The following ZFYVE16 variants were observed in gnomAD, a reference collection of about 807,000 sequenced individuals.
The protein encoded by ZFYVE16 is zinc finger FYVE domain-containing protein 16.
ZFYVE16 carries 89 observed loss-of-function variants against 138.1 expected under a neutral mutation model. The observed-to-expected ratio is 0.64, with a 90% CI of 0.54 to 0.77. The LOEUF (loss-of-function observed/expected upper bound fraction) is 0.77. ZFYVE16 is among the 30% of genes least tolerant of loss of function. The pLI, the probability that ZFYVE16 is intolerant of heterozygous loss-of-function variation, is 0.00. For synonymous variants in ZFYVE16, 596 were observed against 618.3 expected (o/e 0.96, Z 0.53); for missense variants, 1,793 against 1,786.7 (o/e 1.00, Z -0.06).
chr5:80,408,523 G>A (rs1318600170), intron 1 of ZFYVE16, among the ~76,000 whole-genome samples: 4 of 152,238 alleles, frequency 2.6e-5, no homozygotes, highest in Non-Finnish European at 5.9e-5. Context: ...CCTGGGGAGG[G>A]GCTGCGACTG....
At chr5:80,471,756 C>A (rs1183709138) in intron 15 of ZFYVE16, among the ~76,000 whole-genome samples, 3 of 152,188 alleles carry the variant, frequency 2.0e-5, no homozygotes, top group Admixed American at 6.5e-5. Context: ...ATTCTAAGTA[C>A]ATTTTGCTGA....
At chr5:80,456,601 G>T in intron 13 of ZFYVE16, 36 bp downstream of exon 13, 2 of 1,540,166 alleles carry the variant, frequency 1.3e-6, no homozygotes, top group South Asian at 2.3e-5. Flanking sequence ...GACAATTATT[G>T]AACATTAGAG....
At position 80,449,730 on chromosome 5, in the gene ZFYVE16, C is replaced by G; in HGVS notation, c.3226+17C>G. 2 of 1,573,382 alleles carry G rather than the reference C, an allele frequency of 1.3e-6. No homozygotes were observed. The highest frequency in any genetic ancestry group is 1.7e-6 in the Non-Finnish European group (2 of 1,162,802). On this transcript the variant is annotated intron_variant, in intron 9 of 18. Coordinates refer to ENST00000505560, the MANE Select transcript of ZFYVE16 (RefSeq NM_001284236.3). ...TCATATTTTGTAAGTAATAATTTAT[C>G]CTTATTTGCTTAATTGGTAAGCAGG...
chr5:80,471,150 G>A (rs551715626), intron 15 of ZFYVE16, among the ~76,000 whole-genome samples: 1 of 152,210 alleles, frequency 6.6e-6, no homozygotes, highest in African/African-American at 2.4e-5. Flanking sequence ...CTGTCCATAT[G>A]GATAAGATAG....
chr5:80,441,980 A>C, intron 5 of ZFYVE16: 975 of 905,224 alleles, frequency 1.1e-3, no homozygotes, highest in Middle Eastern at 1.7e-3. Flanking sequence ...CTATATTCTC[A>C]TGAAATTTAT....
chr5:80,475,135 C>T (rs1312232261), intron 18 of ZFYVE16, among the ~76,000 whole-genome samples: 1 of 152,172 alleles, frequency 6.6e-6, no homozygotes, highest in Non-Finnish European at 1.5e-5. Flanking sequence ...TTAAGTGTGG[C>T]TATGTTCCAG....
At chr5:80,434,637 A>G (rs1268425671) in intron 3 of ZFYVE16, among the ~76,000 whole-genome samples, 3 of 151,914 alleles carry the variant, frequency 2.0e-5, no homozygotes, top group Non-Finnish European at 4.4e-5. Context: ...ATGCTGGCTA[A>G]TTTTTCAGTT....
intron 4 of ZFYVE16, 111 bp from the exon 5 acceptor site, chr5:80,439,825 C>G: frequency 1.5e-6 from 1 of 648,940 alleles, no homozygotes. Context: ...ATGATTTATA[C>G]AATAAGGAAA....
intron 11 of ZFYVE16, among the ~76,000 whole-genome samples, chr5:80,452,624 A>T (rs991237784): frequency 6.6e-6 from 1 of 152,142 alleles, no homozygotes; most frequent in Non-Finnish European, 1.5e-5. Flanking sequence ...CAATTTTTCT[A>T]TATCATAAAG....
chr5:80,470,102 T>TGTGTGTA lies in ZFYVE16; in HGVS notation c.4025-2659_4025-2658insGTGTGTA, dbSNP rs1491134484. Among the ~76,000 whole-genome samples the TGTGTGTA allele has an allele frequency of 2.0e-4, 4 of 20,326 alleles. No homozygotes were observed. In the East Asian group the frequency reaches 0.01, roughly 51 times the overall value. The allele number at this position is 20,326 out of a possible 152,430, so 13.3% of individuals were successfully genotyped here. On this transcript the variant is annotated intron_variant, in intron 15 of 18. Transcript: ENST00000505560. ...GTGTGTGTGTGTGTGTGTGTGTGTA[T>TGTGTGTA]TTTTTTTTTTTTTTTTTGAGACAGA...
Position 80,438,103 on chromosome 5 carries a change from C to A in ZFYVE16, c.1418C>A (p.Thr473Asn), listed in dbSNP as rs749350535. ...GCTGAGTCTTTGGATGGTGGTGACA[C>A]CAGTTCTACAGTTGTAGAATCTCAA... Reference protein sequence around the residue: ...IRAESLDGGDTSSTVVESQEG... With the variant: ...IRAESLDGGDNSSTVVESQEG... Residue 473 changes from threonine to asparagine, a missense_variant, in exon 4 of 19, where the codon ACC becomes AAC. Thr to Asn is a moderately conservative substitution (Grantham distance 65). This residue lies in a region of ZFYVE16 where 1,295 missense variants were observed against 1,204.3 expected (regional missense o/e 1.08). Coordinates refer to ENST00000505560, the MANE Select transcript of ZFYVE16 (RefSeq NM_001284236.3). 3.1e-6 allele frequency: 5 copies of A among 1,613,934 alleles called. No individual in the cohort carries two copies. In the Admixed American group the frequency reaches 8.3e-5, roughly 27 times the overall value.
At chr5:80,455,433 C>T (rs1044955545) in intron 11 of ZFYVE16, 14 of 367,042 alleles carry the variant, frequency 3.8e-5, no homozygotes, top group Non-Finnish European at 4.9e-6. Context: ...ACTTGGGAGG[C>T]TGAGGCAGGA....
intron 15 of ZFYVE16, among the ~76,000 whole-genome samples, chr5:80,465,396 C>CTTTTTTTTTTTTTTTTTTTTTTTT (rs1187412933): frequency 7.6e-5 from 2 of 26,374 alleles, no homozygotes; most frequent in South Asian, 1.4e-3. Flanking sequence ...TTTTCCTTTT[C>CTTTTTTTTTTTTTTTTTTTTTTTT]TTTGTTTTTT....
chr5:80,477,473 T>C lies in ZFYVE16; in HGVS notation c.*96T>C. On this transcript the variant is annotated 3_prime_UTR_variant, in exon 19 of 19. Coordinates refer to ENST00000505560, the MANE Select transcript of ZFYVE16 (RefSeq NM_001284236.3). ...GCCACAAACACTAAAAGTATAAATA[T>C]GTCTGATTTTTGAAACACATAAGCT... is the stretch of plus-strand genomic sequence containing the variant. 3 of 1,187,424 alleles carry C rather than the reference T, an allele frequency of 2.5e-6. No individual in the cohort carries two copies. The highest frequency in any genetic ancestry group is 2.8e-5 in the East Asian group (1 of 36,342). 73.6% of individuals were successfully genotyped at this position (1,187,424 alleles called of 1,614,324 possible). A position where few individuals can be genotyped will look rare whatever the true frequency, so the allele number is the denominator to read the frequency against.
Position 80,475,863 on chromosome 5 carries a change from C to T in ZFYVE16, c.4461+1033C>T, listed in dbSNP as rs573062520. ...TAGAATTGCCAGGCCTGAGTATATA[C>T]GCAATAGATATTACCATATTATCCC... On this transcript the variant is annotated intron_variant, in intron 18 of 18. Transcript: ENST00000505560. 1.1e-4 allele frequency among the ~76,000 whole-genome samples: 17 copies of T among 152,238 alleles called. No individual in the cohort carries two copies. In the Middle Eastern group the frequency reaches 0.014, roughly 122 times the overall value.
intron 1 of ZFYVE16, among the ~76,000 whole-genome samples, chr5:80,415,688 G>C (rs1266205282): frequency 1.3e-5 from 2 of 150,812 alleles, no homozygotes; most frequent in Non-Finnish European, 3.0e-5. Flanking sequence ...TTTTTTTTGA[G>C]ATGGAGTCTC....
chr5:80,424,071 G>A (rs1231387841), intron 1 of ZFYVE16, among the ~76,000 whole-genome samples: 2 of 150,596 alleles, frequency 1.3e-5, no homozygotes. Flanking sequence ...TCAGCCTCCC[G>A]AGTAGCTGAG....
rs1413789193 is a variant in ZFYVE16, at chr5:80,439,834, A to G, written c.2323-102A>G. On this transcript the variant is annotated intron_variant, in intron 4 of 18. Coordinates refer to ENST00000505560, the MANE Select transcript of ZFYVE16 (RefSeq NM_001284236.3). ...TAGGAAATGATTTATACAATAAGGA[A>G]AAAGAATTTTGGTTAATTAGGTTTA... 38 of 736,936 alleles carry G rather than the reference A, an allele frequency of 5.2e-5. No homozygotes were observed. The East Asian group carries it at 9.0e-4, about 18-fold the overall frequency. 45.6% of individuals were successfully genotyped at this position (736,936 alleles called of 1,614,324 possible).
intron 11 of ZFYVE16, 158 bp downstream of exon 11, chr5:80,451,867 T>C: frequency 1.4e-6 from 1 of 689,730 alleles, no homozygotes; most frequent in Admixed American, 3.1e-5. Flanking sequence ...TACTACCAGG[T>C]TGGTCTAGAT....
Sources: allele counts gnomAD v4.1 joint callset (sites outside exome capture counted in the v4.1 genomes callset), GRCh38; gene constraint gnomAD v4.1.1; regional missense constraint gnomAD v4.1.1; transcripts MANE v1.5; gene names NCBI Gene and HGNC (gene_info 2026-07-23, HGNC 2026-07-21).